The following RBFOX1 variants were observed in gnomAD, a reference collection of about 807,000 sequenced individuals.
RBFOX1 encodes the protein RNA binding fox-1 homolog 1, also known as RNA binding protein fox-1 homolog 1.
RBFOX1 carries 8 observed loss-of-function variants against 57.7 expected under a neutral mutation model. That is an observed-to-expected ratio of 0.14 (90% CI 0.08 to 0.25). The LOEUF is 0.25. RBFOX1 is among the 10% of genes least tolerant of loss of function. The pLI is 1.00. For missense variants in RBFOX1, 611 were observed against 548.5 expected (o/e 1.11, Z -1.14); for synonymous variants, 326 against 222.4 (o/e 1.47, Z -4.15).
chr16:7,450,846 C>A (rs552549178), intron 4 of RBFOX1, among the ~76,000 whole-genome samples: 1 of 151,964 alleles, frequency 6.6e-6, no homozygotes, highest in African/African-American at 2.4e-5. Flanking sequence ...GGATGGCATG[C>A]GACGGGCCCA....
chr16:7,303,483 G>T (rs2096082367), intron 4 of RBFOX1, among the ~76,000 whole-genome samples: 1 of 152,234 alleles, frequency 6.6e-6, no homozygotes, highest in Non-Finnish European at 1.5e-5. Flanking sequence ...CCTGATGCCG[G>T]GCGCGCGGGG....
chr16:6,914,483 C>G (rs566519319), intron 3 of RBFOX1, among the ~76,000 whole-genome samples: 14 of 152,132 alleles, frequency 9.2e-5, no homozygotes, highest in African/African-American at 3.1e-4. Context: ...GGTGTCTCAC[C>G]TCCACCTCCT....
At chr16:7,403,628 C>T (rs1035621100) in intron 4 of RBFOX1, among the ~76,000 whole-genome samples, 7 of 146,706 alleles carry the variant, frequency 4.8e-5, no homozygotes, top group Non-Finnish European at 7.5e-5. Context: ...GTCAGGGCAA[C>T]CTCCGCCTCC....
At chr16:5,691,569 T>C (rs2050681490) in intron 3 of RBFOX1, among the ~76,000 whole-genome samples, 1 of 152,214 alleles carries the variant, frequency 6.6e-6, no homozygotes, top group African/African-American at 2.4e-5. Flanking sequence ...ATTTTGAATT[T>C]TTTCAAATTT....
intron 3 of RBFOX1, among the ~76,000 whole-genome samples, chr16:5,682,696 A>C (rs9929433): frequency 0.22 from 33,973 of 152,154 alleles, 4,339 homozygotes; most frequent in East Asian, 0.57. Flanking sequence ...GTTTTATCCA[A>C]GGTTGTCCGA....
At chr16:6,220,960 G>C (rs760470233) in intron 1 of RBFOX1, among the ~76,000 whole-genome samples, 44 of 151,926 alleles carry the variant, frequency 2.9e-4, no homozygotes, top group African/African-American at 1.0e-3. Context: ...TTCACTCTGT[G>C]TGTGTGTGTG....
intron 1 of RBFOX1, among the ~76,000 whole-genome samples, chr16:5,373,090 G>A (rs1197668557): frequency 6.6e-6 from 1 of 152,186 alleles, no homozygotes; most frequent in South Asian, 2.1e-4. Flanking sequence ...CCCACAGAAG[G>A]CAGTGTGGAA....
At chr16:6,642,683 A>C (rs887989311) in intron 2 of RBFOX1, among the ~76,000 whole-genome samples, 58 of 152,018 alleles carry the variant, frequency 3.8e-4, no homozygotes, top group African/African-American at 1.4e-3. Context: ...AAAGAAGTCA[A>C]GATGAAAAGC....
chr16:5,959,372 G>A (rs912820711), intron 4 of RBFOX1, among the ~76,000 whole-genome samples: 1 of 152,090 alleles, frequency 6.6e-6, no homozygotes, highest in Admixed American at 6.6e-5. Flanking sequence ...AGGCCCCAAA[G>A]GTCAACTGTT....
At chr16:7,617,866 T>C (rs928898317) in intron 10 of RBFOX1, among the ~76,000 whole-genome samples, 3 of 151,858 alleles carry the variant, frequency 2.0e-5, no homozygotes, top group African/African-American at 7.3e-5. Context: ...GTCAAGGGGG[T>C]GGTGTAAATT....
At chr16:6,923,140 C>A (rs368720024) in intron 3 of RBFOX1, among the ~76,000 whole-genome samples, 1 of 152,192 alleles carries the variant, frequency 6.6e-6, no homozygotes, top group East Asian at 1.9e-4. Flanking sequence ...AGGAAAGCAG[C>A]TGGTCCAGTG....
chr16:6,724,394 G>C (rs566969966), intron 3 of RBFOX1, among the ~76,000 whole-genome samples: 18 of 151,968 alleles, frequency 1.2e-4, no homozygotes, highest in Non-Finnish European at 2.1e-4. Context: ...ATTTTTAGTA[G>C]AGACAGGTTT....
At chr16:7,456,841 C>G (rs2058612084) in intron 4 of RBFOX1, among the ~76,000 whole-genome samples, 1 of 152,098 alleles carries the variant, frequency 6.6e-6, no homozygotes, top group African/African-American at 2.4e-5. Context: ...GCTGTATCAG[C>G]TTGGAGGAAA....
intron 2 of RBFOX1, among the ~76,000 whole-genome samples, chr16:6,368,011 G>C (rs1363996063): frequency 6.6e-6 from 1 of 152,150 alleles, no homozygotes; most frequent in Non-Finnish European, 1.5e-5. Flanking sequence ...GTCTTGATTT[G>C]AGGGACATAA....
At chr16:5,988,108 G>T (rs556439799) in intron 4 of RBFOX1, among the ~76,000 whole-genome samples, 1 of 152,116 alleles carries the variant, frequency 6.6e-6, no homozygotes, top group African/African-American at 2.4e-5. Context: ...ATTCAGACCC[G>T]ATTCAATTCG....
At chr16:6,827,625 A>T (rs748904714) in intron 3 of RBFOX1, among the ~76,000 whole-genome samples, 7 of 152,046 alleles carry the variant, frequency 4.6e-5, no homozygotes, top group Admixed American at 2.0e-4. Flanking sequence ...CCCATCCTTC[A>T]CTGCTCAGCA....
At chr16:6,583,004 C>G (rs1189147284) in intron 2 of RBFOX1, among the ~76,000 whole-genome samples, 2 of 147,922 alleles carry the variant, frequency 1.4e-5, no homozygotes, top group Non-Finnish European at 3.0e-5. Context: ...CTCTTCTCTC[C>G]TCTCCTCTCT....
chr16:7,131,304 C>T (rs908987953), intron 4 of RBFOX1, among the ~76,000 whole-genome samples: 1 of 148,086 alleles, frequency 6.8e-6, no homozygotes, highest in East Asian at 2.0e-4. Context: ...CAAGACCACA[C>T]CATTGCACTG....
At chr16:5,372,574 C>A (rs923369395) in intron 1 of RBFOX1, among the ~76,000 whole-genome samples, 6 of 152,136 alleles carry the variant, frequency 3.9e-5, no homozygotes, top group African/African-American at 1.4e-4. Flanking sequence ...GTGGTTTAGC[C>A]GTGGAGGTGA....
Sources: gnomAD v4.1 joint callset for allele counts (sites outside exome capture counted in the v4.1 genomes callset) on GRCh38, gnomAD v4.1.1 for gene constraint, MANE v1.5 for transcripts, NCBI Gene and HGNC (gene_info 2026-07-23, HGNC 2026-07-21) for gene names.